The following KCNQ5 variants were observed in gnomAD, a reference collection of about 807,000 sequenced individuals.
The protein encoded by KCNQ5 is potassium voltage-gated channel subfamily KQT member 5.
Under a neutral mutation model 98.2 loss-of-function variants are expected in KCNQ5, and 30 were observed. That is an observed-to-expected ratio of 0.31 (90% CI 0.23 to 0.41). KCNQ5 has a LOEUF of 0.41. Among genes scored for constraint, KCNQ5 ranks in the 10% least tolerant of loss-of-function variants. The pLI, the probability that KCNQ5 is intolerant of heterozygous loss-of-function variation, is 1.00. For missense variants in KCNQ5, 835 were observed against 1,182.5 expected (o/e 0.71, Z 4.31); for synonymous variants, 458 against 449.4 (o/e 1.02, Z -0.24).
intron 2 of KCNQ5, among the ~76,000 whole-genome samples, chr6:73,009,878 T>C (rs1274036834): frequency 6.6e-6 from 1 of 152,048 alleles, no homozygotes; most frequent in East Asian, 1.9e-4. Flanking sequence ...GAATCAGTAA[T>C]AAAAAATCTT....
chr6:72,836,848 T>C (rs1328244192), intron 1 of KCNQ5, among the ~76,000 whole-genome samples: 1 of 152,220 alleles, frequency 6.6e-6, no homozygotes, highest in Non-Finnish European at 1.5e-5. Context: ...TGTTTTATCC[T>C]TTTATTTCCA....
At chr6:73,168,868 G>T (rs1777901807) in intron 10 of KCNQ5, among the ~76,000 whole-genome samples, 1 of 152,152 alleles carries the variant, frequency 6.6e-6, no homozygotes, top group Non-Finnish European at 1.5e-5. Flanking sequence ...TTTCAGATAT[G>T]CAGAGAGTTT....
chr6:73,100,909 T>C (rs1014208487), intron 5 of KCNQ5, among the ~76,000 whole-genome samples: 1 of 152,052 alleles, frequency 6.6e-6, no homozygotes, highest in Non-Finnish European at 1.5e-5. Context: ...AATTCCTATA[T>C]ACATACAACC....
chr6:72,727,975 C>T (rs917951636), intron 1 of KCNQ5, among the ~76,000 whole-genome samples: 2 of 152,140 alleles, frequency 1.3e-5, no homozygotes, highest in African/African-American at 4.8e-5. Flanking sequence ...TGGCAAAAGG[C>T]AGAGTAAATG....
At chr6:72,775,753 A>G (rs374490975) in intron 1 of KCNQ5, among the ~76,000 whole-genome samples, 2 of 152,152 alleles carry the variant, frequency 1.3e-5, no homozygotes, top group Non-Finnish European at 1.5e-5. Context: ...CAGTCCCATC[A>G]TGGTAACATC....
chr6:72,987,385 C>G (rs4708009), intron 1 of KCNQ5: 113,576 of 710,914 alleles, frequency 0.16, 10,527 homozygotes, highest in East Asian at 0.21. Flanking sequence ...TCAGGCAAAA[C>G]GGAAGCTTGT....
intron 13 of KCNQ5, 148 bp downstream of exon 13, chr6:73,192,839 A>C: frequency 1.6e-6 from 1 of 641,608 alleles, no homozygotes; most frequent in Non-Finnish European, 2.3e-6. Flanking sequence ...TTGTGTGTAG[A>C]CAGTGCTCTC....
chr6:73,009,367 C>T (rs1469678330), intron 2 of KCNQ5, among the ~76,000 whole-genome samples: 1 of 151,820 alleles, frequency 6.6e-6, no homozygotes, highest in Non-Finnish European at 1.5e-5. Flanking sequence ...ACGCAACCTG[C>T]CAAAACCTAT....
At position 72,712,999 on chromosome 6, in the gene KCNQ5, CAAAACT is replaced by C. The variant is rs915383606; in HGVS notation, c.398+90413_398+90418del. Reference sequence around the variant, plus strand: ...CTCCTGTTTGCTGCATTCCCAGACCCAAAACTGTGCCTGATGTATTTTAGGTGCTCA... The same window carrying C: ...CTCCTGTTTGCTGCATTCCCAGACCCGTGCCTGATGTATTTTAGGTGCTCA... On this transcript the variant is annotated intron_variant, in intron 1 of 13. Coordinates refer to ENST00000370398, the MANE Select transcript of KCNQ5 (RefSeq NM_019842.4). Among the ~76,000 whole-genome samples the C allele has an allele frequency of 4.3e-4, 65 of 152,220 alleles. 1 individual carries two copies. Among genetic ancestry groups the C allele is most frequent in the Admixed American group, 2.6e-3 (40 of 15,274 alleles).
At chr6:72,787,910 T>C (rs1773840927) in intron 1 of KCNQ5, among the ~76,000 whole-genome samples, 1 of 152,238 alleles carries the variant, frequency 6.6e-6, no homozygotes, top group African/African-American at 2.4e-5. Flanking sequence ...TCTGAGTCAC[T>C]ATGTGCTGCT....
intron 1 of KCNQ5, among the ~76,000 whole-genome samples, chr6:72,743,473 T>C (rs1211014412): frequency 6.6e-6 from 1 of 152,122 alleles, no homozygotes; most frequent in Admixed American, 6.5e-5. Context: ...CCATTTTATT[T>C]TTATTTTATA....
intron 1 of KCNQ5, among the ~76,000 whole-genome samples, chr6:72,809,271 T>G (rs1290260145): frequency 1.4e-5 from 2 of 140,164 alleles, no homozygotes; most frequent in East Asian, 2.3e-4. Context: ...AGGGATAGCA[T>G]TGGGAGATAT....
At chr6:72,778,962 T>C (rs1211024525) in intron 1 of KCNQ5, among the ~76,000 whole-genome samples, 1 of 152,246 alleles carries the variant, frequency 6.6e-6, no homozygotes, top group South Asian at 2.1e-4. Context: ...AAGGTAACTT[T>C]AGTGAAGTGA....
chr6:72,881,592 A>C (rs1022193486), intron 1 of KCNQ5, among the ~76,000 whole-genome samples: 5 of 152,236 alleles, frequency 3.3e-5, no homozygotes, highest in African/African-American at 1.2e-4. Context: ...GATGTGACCA[A>C]CTATAATTTC....
chr6:72,707,163 G>A (rs2154474893), intron 1 of KCNQ5, among the ~76,000 whole-genome samples: 1 of 152,292 alleles, frequency 6.6e-6, no homozygotes, highest in African/African-American at 2.4e-5. Flanking sequence ...TATTCACAAA[G>A]CCACCTGCTT....
intron 1 of KCNQ5, among the ~76,000 whole-genome samples, chr6:72,905,985 G>A (rs1378898664): frequency 6.6e-6 from 1 of 152,136 alleles, no homozygotes; most frequent in Non-Finnish European, 1.5e-5. Flanking sequence ...TTTGTGTTCA[G>A]TTACCTGGGT....
chr6:72,820,593 G>T (rs1370657662), intron 1 of KCNQ5, among the ~76,000 whole-genome samples: 1 of 151,690 alleles, frequency 6.6e-6, no homozygotes, highest in East Asian at 1.9e-4. Flanking sequence ...TTTTCCTATA[G>T]TGAGGAGAAT....
intron 10 of KCNQ5, among the ~76,000 whole-genome samples, chr6:73,154,623 A>C (rs574747511): frequency 2.6e-5 from 4 of 152,316 alleles, no homozygotes; most frequent in Non-Finnish European, 4.4e-5. Context: ...ATATAGATCC[A>C]AGAATTTAAA....
intron 1 of KCNQ5, among the ~76,000 whole-genome samples, chr6:72,957,957 G>A (rs1159533332): frequency 1.3e-5 from 2 of 152,008 alleles, no homozygotes; most frequent in Admixed American, 6.5e-5. Flanking sequence ...AAAATTCTGA[G>A]CCCTCCTTCA....
Sources: gnomAD v4.1 joint callset for allele counts (sites outside exome capture counted in the v4.1 genomes callset) on GRCh38, gnomAD v4.1.1 for gene constraint, MANE v1.5 for transcripts, NCBI Gene and HGNC (gene_info 2026-07-23, HGNC 2026-07-21) for gene names.